MAOA: variants seen among roughly 807,000 people sequenced by gnomAD.
MAOA encodes amine oxidase [flavin-containing] A.
A neutral mutation model predicts 42.0 loss-of-function variants in MAOA; 6 were observed. That is an observed-to-expected ratio of 0.14 (90% CI 0.08 to 0.28). The LOEUF is 0.28. Ranked by LOEUF, MAOA falls within the 10% of genes least tolerant of loss-of-function variation. MAOA has a pLI of 1.00. For missense variants in MAOA, 262 were observed against 422.3 expected (o/e 0.62, Z 3.33); for synonymous variants, 140 against 154.0 (o/e 0.91, Z 0.67).
intron 10 of MAOA, among the ~76,000 whole-genome samples, chrX:43,737,783 C>A (rs192672182): frequency 8.9e-6 from 1 of 112,017 alleles, no homozygotes; most frequent in Admixed American, 9.5e-5. Flanking sequence ...ATCATCGCAG[C>A]TAGCTTGTGA....
At chrX:43,727,844 A>G (rs377416803) in intron 5 of MAOA, among the ~76,000 whole-genome samples, 24 of 111,819 alleles carry the variant, frequency 2.1e-4, no homozygotes, top group Admixed American at 1.1e-3. Flanking sequence ...ACCAGTCCCA[A>G]TGAGATGAAC....
At chrX:43,666,274 A>G (rs138522939) in intron 1 of MAOA, among the ~76,000 whole-genome samples, 1,509 of 112,035 alleles carry the variant, frequency 0.013, 34 homozygotes, top group African/African-American at 0.046. Context: ...CATCTAAAAC[A>G]AGACACTTGA....
chrX:43,691,126 T>C (rs1317118165), intron 2 of MAOA, among the ~76,000 whole-genome samples: 1 of 111,479 alleles, frequency 9.0e-6, no homozygotes, highest in Admixed American at 9.6e-5. Context: ...CTCACGCCTG[T>C]AATCCCAACA....
intron 2 of MAOA, among the ~76,000 whole-genome samples, chrX:43,686,428 ATCTCTG>A (rs2033487803): frequency 1.8e-5 from 2 of 112,433 alleles, no homozygotes; most frequent in Non-Finnish European, 3.7e-5. Flanking sequence ...TGAGAAAGGA[ATCTCTG>A]AAATGCTTGG....
At chrX:43,686,773 T>G (rs756175819) in intron 2 of MAOA, among the ~76,000 whole-genome samples, 17 of 111,697 alleles carry the variant, frequency 1.5e-4, no homozygotes, top group Non-Finnish European at 2.8e-4. Flanking sequence ...CACTCCAGTC[T>G]GGGTGACAGG....
At chrX:43,707,609 A>G (rs920360500) in intron 3 of MAOA, among the ~76,000 whole-genome samples, 1 of 112,042 alleles carries the variant, frequency 8.9e-6, no homozygotes, top group African/African-American at 3.2e-5. Flanking sequence ...ACAACACAAA[A>G]CTACCATCCT....
rs1317424239 is a variant in MAOA at position 43,744,725 on chromosome X, G to GA, written c.*213dup. On this transcript the variant is annotated 3_prime_UTR_variant, in exon 15 of 15. Coordinates refer to ENST00000338702, the MANE Select transcript of MAOA (RefSeq NM_000240.4). ...AAGCTCCATCTTATTTGTCAGTGTA[G>GA]ATCAACTCATGTTAATTGATAGAAT... 5 of 440,877 alleles carry GA rather than the reference G, an allele frequency of 1.1e-5. No individual in the cohort carries two copies. The highest frequency in any genetic ancestry group is 1.6e-5 in the Non-Finnish European group (4 of 254,961). 36.3% of individuals were successfully genotyped at this position (440,877 alleles called of 1,213,427 possible).
chrX:43,744,745 T>C lies in MAOA; in HGVS notation c.*232T>C. 1 of 411,563 alleles carries C rather than the reference T, an allele frequency of 2.4e-6. No individual in the cohort carries two copies. Among genetic ancestry groups the C allele is most frequent in the South Asian group, 3.5e-5 (1 of 28,636 alleles). 33.9% of individuals were successfully genotyped at this position (411,563 alleles called of 1,213,427 possible). On this transcript the variant is annotated 3_prime_UTR_variant, in exon 15 of 15. Transcript: ENST00000338702. ...GTGTAGATCAACTCATGTTAATTGATAGAATAAAGCCTTGTGATCACTTTC... is the reference window on the plus strand; with the variant it reads ...GTGTAGATCAACTCATGTTAATTGACAGAATAAAGCCTTGTGATCACTTTC...
rs754852378 is a variant in MAOA at position 43,731,455 on chromosome X, C to T, written c.795+65C>T. 3.5e-4 allele frequency: 377 copies of T among 1,080,798 alleles called. 1 individual carries two copies. The highest frequency in any genetic ancestry group is 4.5e-4 in the Non-Finnish European group (351 of 782,090). The allele number at this position is 1,080,798 out of a possible 1,213,427, so 89.1% of individuals were successfully genotyped here. On this transcript the variant is annotated intron_variant, in intron 7 of 14. Coordinates refer to ENST00000338702, the MANE Select transcript of MAOA (RefSeq NM_000240.4). ...CCTTGTGTCTTTTGCAGTTTCTAAC[C>T]AGATATAATTCAAGCAGTAGCATAA...
At chrX:43,710,737 A>G (rs1039427441) in intron 3 of MAOA, among the ~76,000 whole-genome samples, 8 of 112,114 alleles carry the variant, frequency 7.1e-5, no homozygotes, top group African/African-American at 2.6e-4. Flanking sequence ...TTCTCTTAGC[A>G]CTTTGGCTGT....
intron 9 of MAOA, among the ~76,000 whole-genome samples, chrX:43,735,433 T>A (rs1483716821): frequency 8.9e-6 from 1 of 112,129 alleles, no homozygotes; most frequent in Admixed American, 9.4e-5. Flanking sequence ...TATATTTGAT[T>A]AAAGGGGAGC....
intron 1 of MAOA, among the ~76,000 whole-genome samples, chrX:43,672,804 A>T (rs1432615731): frequency 5.4e-5 from 6 of 111,501 alleles, no homozygotes; most frequent in Non-Finnish European, 9.4e-5. Flanking sequence ...CCACTTGATC[A>T]TGGTGGATAA....
intron 2 of MAOA, among the ~76,000 whole-genome samples, chrX:43,684,340 C>A (rs1173279540): frequency 9.1e-6 from 1 of 110,188 alleles, no homozygotes; most frequent in Non-Finnish European, 1.9e-5. Context: ...TGAAAGTAGG[C>A]AGGGAGATAA....
In MAOA at chrX:43,731,281, G is replaced by A. The variant is rs751543666; in HGVS notation, c.686G>A (p.Arg229Gln). 2.4e-5 allele frequency: 29 copies of A among 1,208,267 alleles called. No individual in the cohort carries two copies. The highest frequency in any genetic ancestry group is 3.1e-5 in the Non-Finnish European group (28 of 893,633). The change falls in exon 7 of 15, where the codon CGG becomes CAG. Residue 229 changes from arginine (R) to glutamine (Q), a missense_variant. Physicochemically the swap from Arg to Gln is conservative, Grantham distance 43 (BLOSUM62 1). Around this residue, in one of 3 missense-constraint regions of MAOA, gnomAD observed 141 missense variants for 195.6 expected, o/e 0.72. Transcript: ENST00000338702. ...FVGGSGQVSE[R>Q]IMDLLGDQVK... is the part of the protein sequence containing the mutation. ...GGTGGATCTGGTCAAGTGAGCGAACGGATAATGGACCTCCTCGGAGACCAA... is the reference window on the plus strand; with the variant it reads ...GGTGGATCTGGTCAAGTGAGCGAACAGATAATGGACCTCCTCGGAGACCAA...
chrX:43,677,791 A>G (rs2033411940), intron 1 of MAOA, among the ~76,000 whole-genome samples: 1 of 111,754 alleles, frequency 8.9e-6, no homozygotes, highest in South Asian at 3.7e-4. Flanking sequence ...CTCTACTCTC[A>G]TAGAAAACCA....
intron 1 of MAOA, among the ~76,000 whole-genome samples, chrX:43,677,210 A>G (rs1392025790): frequency 2.7e-5 from 3 of 111,984 alleles, no homozygotes; most frequent in Non-Finnish European, 5.6e-5. Context: ...TATTTCCTCA[A>G]AAGCTTCATT....
intron 3 of MAOA, among the ~76,000 whole-genome samples, chrX:43,707,830 T>C (rs2033669473): frequency 8.9e-6 from 1 of 111,954 alleles, no homozygotes; most frequent in East Asian, 2.8e-4. Flanking sequence ...AAGAAGGCTA[T>C]TTGGCAGCTT....
intron 2 of MAOA, among the ~76,000 whole-genome samples, chrX:43,690,354 T>C (rs775027103): frequency 4.8e-4 from 54 of 111,437 alleles, no homozygotes; most frequent in Non-Finnish European, 9.4e-4. Context: ...AATTAGTACA[T>C]TTTTATTGCT....
intron 3 of MAOA, among the ~76,000 whole-genome samples, chrX:43,702,241 T>A (rs981272369): frequency 8.9e-6 from 1 of 112,175 alleles, no homozygotes; most frequent in Non-Finnish European, 1.9e-5. Context: ...CAAACCTTTT[T>A]CATTTCTATG....
Sources: allele counts gnomAD v4.1 joint callset (sites outside exome capture counted in the v4.1 genomes callset), GRCh38; gene constraint gnomAD v4.1.1; regional missense constraint gnomAD v4.1.1; transcripts MANE v1.5; gene names NCBI Gene and HGNC (gene_info 2026-07-23, HGNC 2026-07-21).